Variants in GDPD5 observed in about 807,000 individuals in gnomAD.
GDPD5 encodes glycerophosphodiester phosphodiesterase 2.
In GDPD5, 48 loss-of-function variants were observed where a neutral mutation model predicts 75.1. That is an observed-to-expected ratio of 0.64 (90% CI 0.51 to 0.81). The LOEUF (loss-of-function observed/expected upper bound fraction) is 0.81. GDPD5 is among the 40% of genes least tolerant of loss of function. The probability of loss-of-function intolerance (pLI) is 0.00; values close to 1 mark genes in which losing one functional copy is unlikely to be tolerated. For missense variants in GDPD5, 706 were observed against 822.6 expected, an observed-to-expected ratio of 0.86 and a Z score of 1.73; for synonymous variants, 336 against 339.0, an observed-to-expected ratio of 0.99 and a Z score of 0.10.
chr11:75,510,948 G>A (rs1950506054), intron 1 of GDPD5, among the ~76,000 whole-genome samples: 1 of 152,206 alleles, frequency 6.6e-6, no homozygotes, highest in African/African-American at 2.4e-5. Flanking sequence ...GCAATTAACA[G>A]ATCACTTCTT....
chr11:75,518,718 G>A (rs1950695312), intron 1 of GDPD5, among the ~76,000 whole-genome samples: 1 of 152,178 alleles, frequency 6.6e-6, no homozygotes, highest in African/African-American at 2.4e-5. Context: ...AGGCCCCACA[G>A]CCAGCAACAA....
intron 2 of GDPD5, among the ~76,000 whole-genome samples, chr11:75,486,194 G>A (rs2135402777): frequency 6.6e-6 from 1 of 152,278 alleles, no homozygotes; most frequent in East Asian, 1.9e-4. Flanking sequence ...CAGAGAGGGG[G>A]CTGCTCGAGG....
intron 4 of GDPD5, among the ~76,000 whole-genome samples, chr11:75,458,208 C>T (rs566129237): frequency 1.3e-5 from 2 of 152,338 alleles, no homozygotes; most frequent in South Asian, 2.1e-4. Context: ...TTTTCACTGT[C>T]TTGTAGGACC....
At chr11:75,510,017 C>T (rs889355343) in intron 1 of GDPD5, among the ~76,000 whole-genome samples, 27 of 152,234 alleles carry the variant, frequency 1.8e-4, no homozygotes, top group Non-Finnish European at 2.6e-4. Context: ...GCTCCCTCCC[C>T]GTGCTAAGCT....
intron 3 of GDPD5, among the ~76,000 whole-genome samples, chr11:75,468,510 G>A (rs1949575893): frequency 6.6e-6 from 1 of 152,240 alleles, no homozygotes; most frequent in Admixed American, 6.5e-5. Flanking sequence ...TCCCAGACTG[G>A]CCACGACTGA....
chr11:75,506,952 G>A (rs1339082494), intron 1 of GDPD5: 1 of 152,360 alleles, frequency 6.6e-6, no homozygotes, highest in Non-Finnish European at 1.5e-5. Flanking sequence ...AAGTGGCAGA[G>A]GATGGCCAGC....
At chr11:75,480,852 A>G (rs1473547564) in intron 2 of GDPD5, among the ~76,000 whole-genome samples, 1 of 152,260 alleles carries the variant, frequency 6.6e-6, no homozygotes, top group Non-Finnish European at 1.5e-5. Context: ...AAATTATATG[A>G]AAGTCAAATT....
At chr11:75,498,314 T>C (rs979071881) in intron 1 of GDPD5, among the ~76,000 whole-genome samples, 4 of 152,244 alleles carry the variant, frequency 2.6e-5, no homozygotes, top group African/African-American at 4.8e-5. Flanking sequence ...CTGGAATGTG[T>C]TGACCAACGC....
intron 1 of GDPD5, among the ~76,000 whole-genome samples, chr11:75,496,124 A>G (rs150265126): frequency 1.1e-3 from 161 of 152,190 alleles, no homozygotes; most frequent in African/African-American, 3.8e-3. Context: ...GGGTCTTCCA[A>G]CCCCAGTTCT....
At chr11:75,474,767 T>A (rs765110535) in intron 3 of GDPD5, among the ~76,000 whole-genome samples, 2 of 152,162 alleles carry the variant, frequency 1.3e-5, no homozygotes, top group Non-Finnish European at 2.9e-5. Context: ...CAGGGCTGGA[T>A]CATAACCAGG....
chr11:75,464,817 C>G (rs1331524310), intron 3 of GDPD5, among the ~76,000 whole-genome samples: 1 of 152,080 alleles, frequency 6.6e-6, no homozygotes, highest in Non-Finnish European at 1.5e-5. Context: ...GAAACCCTGG[C>G]TAGGAGCAGG....
At chr11:75,496,774 T>TCTTC (rs1345879330) in intron 1 of GDPD5, among the ~76,000 whole-genome samples, 25 of 79,432 alleles carry the variant, frequency 3.1e-4, no homozygotes, top group Non-Finnish European at 6.1e-4. Context: ...TTCTTTTCTT[T>TCTTC]CTTTCTTTTT....
chr11:75,514,748 C>A (rs1161573335), intron 1 of GDPD5, among the ~76,000 whole-genome samples: 2 of 152,348 alleles, frequency 1.3e-5, no homozygotes, highest in East Asian at 3.9e-4. Context: ...AAGAAGGCTC[C>A]AATTGCAGCA....
chr11:75,449,235 C>T, intron 8 of GDPD5, 113 bp from the exon 9 acceptor site: 1 of 1,294,048 alleles, frequency 7.7e-7, no homozygotes, highest in South Asian at 1.4e-5. Context: ...GGGGGAAGCC[C>T]TTATTCTTGC....
At chr11:75,448,596 G>T in intron 9 of GDPD5, 1 of 1,014,738 alleles carries the variant, frequency 9.9e-7, no homozygotes, top group Non-Finnish European at 1.2e-6. Flanking sequence ...CGTACTCACT[G>T]TCACAGTGGG....
chr11:75,505,164 A>AGAT (rs1950370217), intron 1 of GDPD5, among the ~76,000 whole-genome samples: 1 of 151,838 alleles, frequency 6.6e-6, no homozygotes, highest in Admixed American at 6.6e-5. Flanking sequence ...CTCTTGAGGT[A>AGAT]GATAGGGAGA....
intron 6 of GDPD5, chr11:75,455,059 A>G: frequency 3.7e-6 from 1 of 267,480 alleles, no homozygotes; most frequent in South Asian, 4.0e-5. Context: ...GATCTCACAT[A>G]GGGGGCAGAG....
intron 1 of GDPD5, among the ~76,000 whole-genome samples, chr11:75,509,827 G>A (rs1016866446): frequency 1.3e-5 from 2 of 152,108 alleles, no homozygotes; most frequent in South Asian, 2.1e-4. Flanking sequence ...TTACAGGCAC[G>A]CACCACCAAG....
chr11:75,524,631 G>A (rs577113704), intron 1 of GDPD5, among the ~76,000 whole-genome samples: 7 of 152,114 alleles, frequency 4.6e-5, no homozygotes, highest in Admixed American at 2.6e-4. Flanking sequence ...AGATAAGCAC[G>A]TCTCAGGACC....
Sources: allele counts gnomAD v4.1 joint callset (sites outside exome capture counted in the v4.1 genomes callset), GRCh38; gene constraint gnomAD v4.1.1; transcripts MANE v1.5; gene names NCBI Gene and HGNC (gene_info 2026-07-23, HGNC 2026-07-21).